PITPNC1: variants seen among roughly 807,000 people sequenced by gnomAD.
PITPNC1 encodes cytoplasmic phosphatidylinositol transfer protein 1.
A neutral mutation model predicts 44.7 loss-of-function variants in PITPNC1; 18 were observed. The observed-to-expected ratio is 0.40, with a 90% CI of 0.28 to 0.60. PITPNC1 has a LOEUF of 0.60. PITPNC1 is among the 20% of genes least tolerant of loss of function. The pLI is 0.39. For missense variants in PITPNC1, 290 were observed against 418.4 expected (o/e 0.69, Z 2.68); for synonymous variants, 141 against 149.6 (o/e 0.94, Z 0.42).
In PITPNC1 at chr17:67,692,925, T is replaced by TTTG. The variant is rs760284229; in HGVS notation, c.*49_*51dup. On this transcript the variant is annotated 3_prime_UTR_variant, in exon 9 of 9. Transcript: ENST00000581322. ...TATCTCATGGGGTTTTATATTTTCATTTGTTGTTGTTGTTTTTTTTTAAGA... is the reference window on the plus strand; with the variant it reads ...TATCTCATGGGGTTTTATATTTTCATTTGTTGTTGTTGTTGTTTTTTTTTAAGA... 1.3e-5 allele frequency: 17 copies of TTTG among 1,298,540 alleles called. No homozygotes were observed. The highest frequency in any genetic ancestry group is 1.8e-5 in the Non-Finnish European group (17 of 927,264). 80.4% of individuals were successfully genotyped at this position (1,298,540 alleles called of 1,614,324 possible). A position where few individuals can be genotyped will look rare whatever the true frequency, so the allele number is the denominator to read the frequency against.
At chr17:67,613,926 C>T (rs1446763564) in intron 5 of PITPNC1, 2 of 68,420 alleles carry the variant, frequency 2.9e-5, no homozygotes, top group Non-Finnish European at 5.1e-5. Flanking sequence ...AACCCTATCT[C>T]TACAAAAAAA....
At chr17:67,651,961 G>A (rs2042214030) in intron 6 of PITPNC1, among the ~76,000 whole-genome samples, 1 of 152,188 alleles carries the variant, frequency 6.6e-6, no homozygotes, top group Admixed American at 6.5e-5. Flanking sequence ...GAGTCTTCAG[G>A]AGAAGTTCCA....
intron 4 of PITPNC1, among the ~76,000 whole-genome samples, chr17:67,555,538 G>C (rs2040824411): frequency 6.6e-6 from 1 of 151,952 alleles, no homozygotes; most frequent in African/African-American, 2.4e-5. Flanking sequence ...TCAAGAGGTA[G>C]ACTTTGGGCC....
intron 1 of PITPNC1, among the ~76,000 whole-genome samples, chr17:67,473,744 A>G (rs192402881): frequency 6.6e-6 from 1 of 152,300 alleles, no homozygotes; most frequent in Admixed American, 6.5e-5. Context: ...TCACCTGGCT[A>G]ATAAATGTTT....
chr17:67,647,287 C>T (rs768702061), intron 6 of PITPNC1, among the ~76,000 whole-genome samples: 21 of 151,714 alleles, frequency 1.4e-4, no homozygotes, highest in Admixed American at 2.6e-4. Flanking sequence ...AGAATAGAAA[C>T]CTTTTATTAT....
chr17:67,629,673 C>T (rs1055119851), intron 5 of PITPNC1, among the ~76,000 whole-genome samples: 3 of 152,218 alleles, frequency 2.0e-5, no homozygotes. Flanking sequence ...GGGACTGGCT[C>T]TCGCAAACAG....
chr17:67,422,882 C>T (rs948695245), intron 1 of PITPNC1, among the ~76,000 whole-genome samples: 5 of 152,060 alleles, frequency 3.3e-5, no homozygotes, highest in African/African-American at 9.7e-5. Flanking sequence ...AGTGTATGTA[C>T]GTGCCTCAGT....
chr17:67,437,034 C>A lies in PITPNC1; in HGVS notation c.48+58832C>A, dbSNP rs1433456695. 2.0e-5 allele frequency among the ~76,000 whole-genome samples: 3 copies of A among 150,540 alleles called. No individual in the cohort carries two copies. The East Asian group carries it at 5.9e-4, about 30-fold the overall frequency. ...TCCCAGGCTCAGGTGATCCTCCCAC[C>A]TCAGCCTCCCGAGTAACTAAGACTA... is the stretch of plus-strand genomic sequence containing the variant. On this transcript the variant is annotated intron_variant, in intron 1 of 8. Coordinates refer to ENST00000581322, the MANE Select transcript of PITPNC1 (RefSeq NM_012417.4).
intron 4 of PITPNC1, among the ~76,000 whole-genome samples, chr17:67,566,508 C>A (rs1281721457): frequency 6.6e-6 from 1 of 152,082 alleles, no homozygotes; most frequent in Non-Finnish European, 1.5e-5. Flanking sequence ...GGGCCTGGAC[C>A]TGTTTTTAAA....
At chr17:67,456,941 G>A (rs1402518512) in intron 1 of PITPNC1, 1 of 151,946 alleles carries the variant, frequency 6.6e-6, no homozygotes, top group African/African-American at 2.4e-5. Flanking sequence ...ACCCTCTGAA[G>A]ATAGTATTTC....
At chr17:67,446,092 G>A (rs539219631) in intron 1 of PITPNC1, among the ~76,000 whole-genome samples, 17 of 152,050 alleles carry the variant, frequency 1.1e-4, no homozygotes, top group African/African-American at 2.9e-4. Flanking sequence ...GATTACAGGC[G>A]TGCGCCACCA....
intron 5 of PITPNC1, among the ~76,000 whole-genome samples, chr17:67,629,099 A>G (rs570616102): frequency 3.3e-5 from 5 of 152,296 alleles, no homozygotes; most frequent in African/African-American, 1.2e-4. Context: ...AGAAAGCTAC[A>G]TAACCTGTCA....
intron 7 of PITPNC1, among the ~76,000 whole-genome samples, chr17:67,674,846 T>C (rs1427219947): frequency 6.6e-6 from 1 of 151,952 alleles, no homozygotes; most frequent in Non-Finnish European, 1.5e-5. Context: ...ACCCCATCTC[T>C]ATTAAAAATA....
At chr17:67,476,275 C>T (rs1299036614) in intron 1 of PITPNC1, among the ~76,000 whole-genome samples, 1 of 151,120 alleles carries the variant, frequency 6.6e-6, no homozygotes, top group East Asian at 1.9e-4. Flanking sequence ...AGCCTCTGTC[C>T]CCCCAGGTTC....
chr17:67,437,112 G>T (rs985426934), intron 1 of PITPNC1, among the ~76,000 whole-genome samples: 1 of 151,562 alleles, frequency 6.6e-6, no homozygotes, highest in Non-Finnish European at 1.5e-5. Flanking sequence ...TGGAGACAGG[G>T]TTTCGCCATG....
At chr17:67,412,444 C>G (rs565131768) in intron 1 of PITPNC1, among the ~76,000 whole-genome samples, 68 of 152,178 alleles carry the variant, frequency 4.5e-4, no homozygotes, top group Non-Finnish European at 7.2e-4. Flanking sequence ...CATCCCTCAT[C>G]CCTGTAATTA....
At chr17:67,604,441 G>C (rs1054477617) in intron 5 of PITPNC1, among the ~76,000 whole-genome samples, 1 of 152,214 alleles carries the variant, frequency 6.6e-6, no homozygotes, top group Non-Finnish European at 1.5e-5. Flanking sequence ...AGGAACACCA[G>C]AGAGATTGGC....
intron 5 of PITPNC1, among the ~76,000 whole-genome samples, chr17:67,608,059 G>A (rs894654046): frequency 2.0e-5 from 3 of 151,870 alleles, no homozygotes; most frequent in Admixed American, 6.6e-5. Flanking sequence ...ACTTCATTGC[G>A]CCCTAAGAAC....
chr17:67,596,516 T>C (rs1461450765), intron 5 of PITPNC1, among the ~76,000 whole-genome samples: 1 of 152,178 alleles, frequency 6.6e-6, no homozygotes, highest in Non-Finnish European at 1.5e-5. Flanking sequence ...TTTGTTGTTA[T>C]TGTTTTTCTT....
Sources: gnomAD v4.1 joint callset for allele counts (sites outside exome capture counted in the v4.1 genomes callset) on GRCh38, gnomAD v4.1.1 for gene constraint, MANE v1.5 for transcripts, NCBI Gene and HGNC (gene_info 2026-07-23, HGNC 2026-07-21) for gene names.